The following SPINK13 variants were observed in gnomAD, a reference collection of about 807,000 sequenced individuals.
SPINK13 encodes the protein serine peptidase inhibitor Kazal type 13, also known as serine protease inhibitor Kazal-type 13.
A neutral mutation model predicts 11.0 loss-of-function variants in SPINK13; 11 were observed. The observed-to-expected ratio is 1.00, with a 90% CI of 0.63 to 1.65. SPINK13 has a LOEUF of 1.65. Ranked by LOEUF, SPINK13 falls within the 40% of genes most tolerant of loss-of-function variation. The pLI, the probability that SPINK13 is intolerant of heterozygous loss-of-function variation, is 0.00. For missense variants in SPINK13, 113 were observed against 117.7 expected (o/e 0.96, Z 0.19); for synonymous variants, 31 against 35.6 (o/e 0.87, Z 0.46).
intron 2 of SPINK13, among the ~76,000 whole-genome samples, chr5:148,274,081 T>G (rs1756389232): frequency 6.6e-6 from 1 of 152,188 alleles, no homozygotes; most frequent in African/African-American, 2.4e-5. Flanking sequence ...AATACAATTA[T>G]TTTAAGTTAT....
At position 148,286,111 on chromosome 5, in the gene SPINK13, T is replaced by G. The variant is rs890286843; in HGVS notation, c.*63T>G. Reference sequence around the variant, plus strand: ...TACTTAATTCAGAATAGTATTTCTTTTAGAGTGTGAGAATGTAAATTAAAT... The same window carrying G: ...TACTTAATTCAGAATAGTATTTCTTGTAGAGTGTGAGAATGTAAATTAAAT... On this transcript the variant is annotated 3_prime_UTR_variant, in exon 5 of 5. Coordinates refer to ENST00000398450, the MANE Select transcript of SPINK13 (RefSeq NM_001040129.3). The G allele has an allele frequency of 7.3e-6, 8 of 1,093,052 alleles. No homozygotes were observed. Among genetic ancestry groups the G allele is most frequent in the Non-Finnish European group, 1.0e-5 (8 of 781,028 alleles). 67.7% of individuals were successfully genotyped at this position (1,093,052 alleles called of 1,614,324 possible).
At chr5:148,272,872 G>A (rs774826375) in intron 2 of SPINK13, among the ~76,000 whole-genome samples, 6 of 152,090 alleles carry the variant, frequency 3.9e-5, no homozygotes, top group Non-Finnish European at 8.8e-5. Flanking sequence ...CTAATTTGTA[G>A]GCTTACATTT....
chr5:148,272,450 A>G (rs1030648078), intron 2 of SPINK13, among the ~76,000 whole-genome samples: 1 of 152,152 alleles, frequency 6.6e-6, no homozygotes, highest in Non-Finnish European at 1.5e-5. Context: ...CAGAAGCCCA[A>G]TTGTTTTAGT....
chr5:148,270,063 A>G lies in SPINK13; in HGVS notation c.-10A>G. The G allele has an allele frequency of 6.2e-7, 1 of 1,613,890 alleles. No homozygotes were observed. Among genetic ancestry groups the G allele is most frequent in the Non-Finnish European group, 8.5e-7 (1 of 1,179,820 alleles). On this transcript the variant is annotated 5_prime_UTR_variant, in exon 2 of 5. It adds an upstream start codon to the 5' untranslated region. Transcript: ENST00000398450. ...AGGCCTTATCAAAGAAGAGTCTTAT[A>G]TGAGATCAAATGGCTGCCTTTCCCC... is the stretch of plus-strand genomic sequence containing the variant.
rs577973913 is a variant in SPINK13 at position 148,277,279 on chromosome 5, G to T, written c.108+2895G>T. On this transcript the variant is annotated intron_variant, in intron 3 of 4. Transcript: ENST00000398450. ...TGAATACACTTTATTTCTTTCTCTT[G>T]CCTGAATACCCTGGTCAGAACTTCT... Among the ~76,000 whole-genome samples, 3 of 152,188 alleles carry T rather than the reference G, an allele frequency of 2.0e-5. No homozygotes were observed. The East Asian group carries it at 5.8e-4, about 29-fold the overall frequency.
chr5:148,286,126 G>A lies in SPINK13; in HGVS notation c.*78G>A. 1.0e-6 allele frequency: 1 copy of A among 975,842 alleles called. No individual in the cohort carries two copies. The highest frequency in any genetic ancestry group is 1.5e-6 in the Non-Finnish European group (1 of 685,274). 60.4% of individuals were successfully genotyped at this position (975,842 alleles called of 1,614,324 possible). ...AGTATTTCTTTTAGAGTGTGAGAATGTAAATTAAATAACATCCCTATGCTG... is the reference window on the plus strand; with the variant it reads ...AGTATTTCTTTTAGAGTGTGAGAATATAAATTAAATAACATCCCTATGCTG... On this transcript the variant is annotated 3_prime_UTR_variant, in exon 5 of 5. Coordinates refer to ENST00000398450, the MANE Select transcript of SPINK13 (RefSeq NM_001040129.3).
At chr5:148,285,643 G>A (rs1756578378) in intron 4 of SPINK13, among the ~76,000 whole-genome samples, 1 of 152,126 alleles carries the variant, frequency 6.6e-6, no homozygotes. Context: ...TGAGCACAGA[G>A]CAAATTGCGT....
At position 148,268,908 on chromosome 5, in the gene SPINK13, T is replaced by G. The variant is rs1176041957; in HGVS notation, c.-34+20T>G. On this transcript the variant is annotated intron_variant, in intron 1 of 4. Coordinates refer to ENST00000398450, the MANE Select transcript of SPINK13 (RefSeq NM_001040129.3). Reference sequence around the variant, plus strand: ...ATCCAGGTAACCACTCTTTGACTTCTCTCTCCTTAGTCCAAGTCAGCGGTG... The same window carrying G: ...ATCCAGGTAACCACTCTTTGACTTCGCTCTCCTTAGTCCAAGTCAGCGGTG... 1 of 152,644 alleles carries G rather than the reference T, an allele frequency of 6.6e-6. No homozygotes were observed. The highest frequency in any genetic ancestry group is 2.4e-5 in the African/African-American group (1 of 41,430). The allele number at this position is 152,644 out of a possible 1,614,324, so 9.5% of individuals were successfully genotyped here.
At chr5:148,281,993 C>A in intron 3 of SPINK13, 111 bp from the exon 4 acceptor site, 2 of 1,432,820 alleles carry the variant, frequency 1.4e-6, no homozygotes, top group Non-Finnish European at 1.9e-6. Context: ...TTGATAAGAT[C>A]AATTGACTGG....
intron 3 of SPINK13, among the ~76,000 whole-genome samples, chr5:148,280,670 G>A (rs1756499087): frequency 3.3e-5 from 5 of 152,140 alleles, no homozygotes; most frequent in Admixed American, 2.6e-4. Context: ...GTCCCAGAGC[G>A]GCACCTGCCA....
At chr5:148,284,716 A>T (rs1029174840) in intron 4 of SPINK13, among the ~76,000 whole-genome samples, 1 of 152,178 alleles carries the variant, frequency 6.6e-6, no homozygotes, top group Admixed American at 6.5e-5. Context: ...TTGAGGAAAA[A>T]GCCCTGGCAA....
chr5:148,272,089 C>A (rs774600707), intron 2 of SPINK13, among the ~76,000 whole-genome samples: 2 of 152,056 alleles, frequency 1.3e-5, no homozygotes, highest in Non-Finnish European at 2.9e-5. Context: ...TCCCAATGTG[C>A]GACCATACCC....
At chr5:148,283,087 T>C (rs1041480456) in intron 4 of SPINK13, among the ~76,000 whole-genome samples, 3 of 151,968 alleles carry the variant, frequency 2.0e-5, no homozygotes, top group African/African-American at 7.3e-5. Context: ...TTTCCAGCTG[T>C]CTTCTCCCAG....
chr5:148,271,080 T>C (rs576076382), intron 2 of SPINK13, among the ~76,000 whole-genome samples: 29 of 152,342 alleles, frequency 1.9e-4, no homozygotes, highest in African/African-American at 6.5e-4. Flanking sequence ...ATAGTACACC[T>C]GCAAATAAAT....
chr5:148,279,836 G>A (rs888580706), intron 3 of SPINK13, among the ~76,000 whole-genome samples: 2 of 152,160 alleles, frequency 1.3e-5, no homozygotes, highest in African/African-American at 4.8e-5. Context: ...TGTCTTGCTA[G>A]GTTGGGGAAG....
At chr5:148,273,244 T>C (rs1468260586) in intron 2 of SPINK13, among the ~76,000 whole-genome samples, 1 of 152,064 alleles carries the variant, frequency 6.6e-6, no homozygotes, top group Non-Finnish European at 1.5e-5. Flanking sequence ...AAAATCTTTT[T>C]AGATTGTATA....
chr5:148,281,147 G>A (rs1310500118), intron 3 of SPINK13, among the ~76,000 whole-genome samples: 5 of 152,146 alleles, frequency 3.3e-5, no homozygotes, highest in Non-Finnish European at 5.9e-5. Context: ...CCAAGCTTGA[G>A]TGTCCCAGGT....
chr5:148,282,019 T>A (rs1581168500), intron 3 of SPINK13, 85 bp from the exon 4 acceptor site: 1 of 1,435,188 alleles, frequency 7.0e-7, no homozygotes, highest in South Asian at 1.2e-5. Flanking sequence ...TTTAATATTA[T>A]TTTTTAAGTG....
rs756947495 is a variant in SPINK13, at chr5:148,286,060, G to C, written c.*12G>C. 1 of 1,415,054 alleles carries C rather than the reference G, an allele frequency of 7.1e-7. No homozygotes were observed. Among genetic ancestry groups the C allele is most frequent in the East Asian group, 2.5e-5 (1 of 40,432 alleles). 87.7% of individuals were successfully genotyped at this position (1,415,054 alleles called of 1,614,324 possible). On this transcript the variant is annotated 3_prime_UTR_variant, in exon 5 of 5. Coordinates refer to ENST00000398450, the MANE Select transcript of SPINK13 (RefSeq NM_001040129.3). ...GAAAATGTGATTAATGGGTACCAGAGTAACTACACTTGCTTATTCTTTTTC... is the reference window on the plus strand; with the variant it reads ...GAAAATGTGATTAATGGGTACCAGACTAACTACACTTGCTTATTCTTTTTC...
Sources: allele counts gnomAD v4.1 joint callset (sites outside exome capture counted in the v4.1 genomes callset), GRCh38; gene constraint gnomAD v4.1.1; transcripts MANE v1.5; gene names NCBI Gene and HGNC (gene_info 2026-07-23, HGNC 2026-07-21).